The following SPEF2 variants were observed in gnomAD, a reference collection of about 807,000 sequenced individuals.
SPEF2 encodes sperm flagellar and cilia associated 2.
SPEF2 carries 187 observed loss-of-function variants against 224.6 expected under a neutral mutation model. The observed-to-expected ratio is 0.83, with a 90% CI of 0.74 to 0.94. The LOEUF is 0.94. Ranked by LOEUF, SPEF2 falls within the 40% of genes least tolerant of loss-of-function variation. The probability of loss-of-function intolerance (pLI) is 0.00; values close to 1 mark genes in which losing one functional copy is unlikely to be tolerated. For synonymous variants in SPEF2, 715 were observed against 707.3 expected (o/e 1.01, Z -0.17); for missense variants, 2,170 against 2,135.6 (o/e 1.02, Z -0.32).
Position 35,751,096 on chromosome 5 carries a change from CATATAT to C in SPEF2, c.3331-2511_3331-2506del, listed in dbSNP as rs376188111. Among the ~76,000 whole-genome samples the C allele has an allele frequency of 4.2e-4, 13 of 30,618 alleles. 2 individuals carry two copies. The highest frequency in any genetic ancestry group is 1.3e-3 in the African/African-American group (12 of 9,138). 20.1% of individuals were successfully genotyped at this position (30,618 alleles called of 152,430 possible). On this transcript the variant is annotated intron_variant, in intron 23 of 36. Coordinates refer to ENST00000356031, the MANE Select transcript of SPEF2 (RefSeq NM_024867.4). ...ATATATATACACACACACACACACA[CATATAT>C]ATATATATATATATATGATGGAATG...
At chr5:35,775,389 T>A (rs1261057000) in intron 28 of SPEF2, among the ~76,000 whole-genome samples, 1 of 152,018 alleles carries the variant, frequency 6.6e-6, no homozygotes, top group African/African-American at 2.4e-5. Flanking sequence ...GGGGAAAAAT[T>A]GGCGTGAGAA....
At chr5:35,626,356 C>G (rs1398285699) in intron 1 of SPEF2, among the ~76,000 whole-genome samples, 4 of 152,128 alleles carry the variant, frequency 2.6e-5, no homozygotes, top group Non-Finnish European at 5.9e-5. Flanking sequence ...GATGATAAAA[C>G]TGGTCTGTTT....
intron 36 of SPEF2, among the ~76,000 whole-genome samples, chr5:35,810,005 A>T (rs1758435061): frequency 6.6e-6 from 1 of 152,156 alleles, no homozygotes; most frequent in Non-Finnish European, 1.5e-5. Flanking sequence ...TTCCTCTCAT[A>T]CTGGAAAGAA....
At chr5:35,697,068 C>T (rs1452295262) in intron 14 of SPEF2, among the ~76,000 whole-genome samples, 1 of 152,110 alleles carries the variant, frequency 6.6e-6, no homozygotes, top group Non-Finnish European at 1.5e-5. Flanking sequence ...AGAATTTTAG[C>T]AGGGTTTGGA....
intron 1 of SPEF2, among the ~76,000 whole-genome samples, chr5:35,619,812 CAGT>C (rs1743248690): frequency 6.6e-6 from 1 of 152,066 alleles, no homozygotes; most frequent in African/African-American, 2.4e-5. Context: ...AAAATAAAAA[CAGT>C]AGATGCCATT....
At chr5:35,717,118 T>A (rs7721035) in intron 20 of SPEF2, among the ~76,000 whole-genome samples, 114,080 of 151,902 alleles carry the variant, frequency 0.75, 43,194 homozygotes, top group Middle Eastern at 0.83. Flanking sequence ...GAGCCAAATT[T>A]AGAAAGTTTT....
intron 12 of SPEF2, 110 bp downstream of exon 12, chr5:35,692,834 G>T: frequency 1.1e-6 from 1 of 939,328 alleles, no homozygotes. Context: ...TACAGACCCA[G>T]AGAGTAAAAG....
Position 35,721,674 on chromosome 5 carries a change from A to C in SPEF2, c.2915-6001A>C, listed in dbSNP as rs370093280. 1.4e-3 allele frequency among the ~76,000 whole-genome samples: 218 copies of C among 152,348 alleles called. 3 individuals are homozygous for C. In the South Asian group the frequency reaches 0.044, roughly 31 times the overall value. Reference sequence around the variant, plus strand: ...TGCCTTAAAAAAAGTATTTGATCCAAGTGCTTGTCTTTCTTTAGGCCGAAT... The same window carrying C: ...TGCCTTAAAAAAAGTATTTGATCCACGTGCTTGTCTTTCTTTAGGCCGAAT... On this transcript the variant is annotated intron_variant, in intron 20 of 36. Coordinates refer to ENST00000356031, the MANE Select transcript of SPEF2 (RefSeq NM_024867.4).
At chr5:35,679,066 G>A (rs1220052667) in intron 10 of SPEF2, among the ~76,000 whole-genome samples, 4 of 152,192 alleles carry the variant, frequency 2.6e-5, no homozygotes, top group South Asian at 2.1e-4. Flanking sequence ...AAAAGTTAAA[G>A]TGTTACCTTA....
At chr5:35,803,209 C>T (rs1238432285) in intron 34 of SPEF2, among the ~76,000 whole-genome samples, 3 of 152,238 alleles carry the variant, frequency 2.0e-5, no homozygotes, top group South Asian at 2.1e-4. Context: ...GAGGCAACAG[C>T]GGAGTCCAGG....
chr5:35,691,408 G>A (rs556728539), intron 11 of SPEF2, 152 bp downstream of exon 11: 3 of 646,966 alleles, frequency 4.6e-6, no homozygotes, highest in East Asian at 2.8e-5. Context: ...TCCAGGCTAC[G>A]ATTATTCAGC....
intron 26 of SPEF2, among the ~76,000 whole-genome samples, chr5:35,768,174 A>G (rs1256669178): frequency 6.6e-6 from 1 of 152,088 alleles, no homozygotes; most frequent in Non-Finnish European, 1.5e-5. Flanking sequence ...TAAGCCCTCA[A>G]TATAGTCTTG....
At chr5:35,625,038 T>C (rs1744043322) in intron 1 of SPEF2, among the ~76,000 whole-genome samples, 2 of 152,172 alleles carry the variant, frequency 1.3e-5, no homozygotes, top group African/African-American at 4.8e-5. Context: ...TTCTTTTTTC[T>C]TTTTCTTTTA....
At position 35,800,078 on chromosome 5, in the gene SPEF2, G is replaced by A. The variant is rs757096667; in HGVS notation, c.4941G>A (p.Arg1647=). 1 of 1,614,002 alleles carries A rather than the reference G, an allele frequency of 6.2e-7. No individual in the cohort carries two copies. Among genetic ancestry groups the A allele is most frequent in the South Asian group, 1.1e-5 (1 of 91,044 alleles). ...CAGACACCGTGGAAGGAGTCTACAG[G>A]GCCCTCAGTGTGGCTGTTGGAACTC... ...CHPDTVEGVY[R]ALSVAVGTHV... is the part of the protein sequence containing the mutation. Residue 1647 remains arginine, a synonymous_variant, in exon 34 of 37, where the codon AGG becomes AGA. Coordinates refer to ENST00000356031, the MANE Select transcript of SPEF2 (RefSeq NM_024867.4).
intron 10 of SPEF2, among the ~76,000 whole-genome samples, chr5:35,677,336 T>C (rs528169529): frequency 5.9e-5 from 9 of 152,232 alleles, no homozygotes; most frequent in Admixed American, 2.0e-4. Context: ...CACTGATAAA[T>C]AAAGCATAGT....
chr5:35,759,494 G>A, intron 24 of SPEF2, 74 bp from the exon 25 acceptor site: 1 of 1,274,828 alleles, frequency 7.8e-7, no homozygotes, highest in Non-Finnish European at 1.0e-6. Context: ...AGTGCTTTCA[G>A]AGGCTTATAT....
At chr5:35,743,547 T>G (rs2149700196) in intron 23 of SPEF2, among the ~76,000 whole-genome samples, 1 of 152,262 alleles carries the variant, frequency 6.6e-6, no homozygotes, top group Middle Eastern at 3.4e-3. Context: ...GTAGAGAAAC[T>G]TCTGAAGTTA....
chr5:35,769,911 C>T lies in SPEF2; in HGVS notation c.3802-1698C>T, dbSNP rs190872044. Among the ~76,000 whole-genome samples, 199 of 152,062 alleles carry T rather than the reference C, an allele frequency of 1.3e-3. 2 individuals are homozygous for T. Among genetic ancestry groups the T allele is most frequent in the African/African-American group, 4.6e-3 (192 of 41,470 alleles). ...GAAATTATAAATAATTAAATAAGCC[C>T]TCAATAACCCCCATTTTTCACCAAT... On this transcript the variant is annotated intron_variant, in intron 26 of 36. Transcript: ENST00000356031.
At chr5:35,630,916 A>G (rs1269802127) in intron 2 of SPEF2, among the ~76,000 whole-genome samples, 1 of 152,224 alleles carries the variant, frequency 6.6e-6, no homozygotes, top group Non-Finnish European at 1.5e-5. Context: ...TAAAAAGACA[A>G]TCCAATTTAA....
Sources: gnomAD v4.1 joint callset for allele counts (sites outside exome capture counted in the v4.1 genomes callset) on GRCh38, gnomAD v4.1.1 for gene constraint, MANE v1.5 for transcripts, NCBI Gene and HGNC (gene_info 2026-07-23, HGNC 2026-07-21) for gene names.